The following CTSB variants were observed in gnomAD, a reference collection of about 807,000 sequenced individuals.
The protein encoded by CTSB is cathepsin B, also known as APP secretase.
A neutral mutation model predicts 44.3 loss-of-function variants in CTSB; 57 were observed. That is an observed-to-expected ratio of 1.29 (90% confidence interval 1.04 to 1.60). The LOEUF (loss-of-function observed/expected upper bound fraction) is 1.60, where lower values mean the gene tolerates loss of function less well. Ranked by LOEUF, CTSB falls within the 40% of genes most tolerant of loss-of-function variation. CTSB has a pLI of 0.00. For missense variants in CTSB, 768 were observed against 443.0 expected (o/e 1.73, Z -6.59); for synonymous variants, 320 against 168.0 (o/e 1.91, Z -7.00).
Position 11,843,825 on chromosome 8 carries a change from G to A in CTSB, c.*1300C>T, listed in dbSNP as rs1467518670. The A allele has an allele frequency of 6.6e-6, 1 of 152,264 alleles. No homozygotes were observed. Among genetic ancestry groups the A allele is most frequent in the Non-Finnish European group, 1.5e-5 (1 of 68,060 alleles). 9.4% of individuals were successfully genotyped at this position (152,264 alleles called of 1,614,324 possible). ...GCAGGCAGACCACCTGAGGCCGGGA[G>A]TTTGAAACTAGCCTGGCCAACATGG... On this transcript the variant is annotated 3_prime_UTR_variant, in exon 10 of 10. Transcript: ENST00000353047.
Position 11,844,868 on chromosome 8 carries a change from A to T in CTSB, c.*257T>A, listed in dbSNP as rs1015941863. ...GGGGGCCACAGTCAGCTGGGGCAGC[A>T]GGTACTCCCTACGGCACTAGTCTAC... On this transcript the variant is annotated 3_prime_UTR_variant, in exon 10 of 10. Coordinates refer to ENST00000353047, the MANE Select transcript of CTSB (RefSeq NM_001908.5). The T allele has an allele frequency of 1.1e-5, 5 of 458,962 alleles. No homozygotes were observed. Among genetic ancestry groups the T allele is most frequent in the Non-Finnish European group, 2.0e-5 (5 of 254,644 alleles). The allele number at this position is 458,962 out of a possible 1,614,324, so 28.4% of individuals were successfully genotyped here. A position where few individuals can be genotyped will look rare whatever the true frequency, so the allele number is the denominator to read the frequency against.
At chr8:11,852,201 T>C (rs1220104872) in intron 3 of CTSB, among the ~76,000 whole-genome samples, 1 of 151,990 alleles carries the variant, frequency 6.6e-6, no homozygotes, top group Non-Finnish European at 1.5e-5. Flanking sequence ...CGAAACCCAG[T>C]CTCTACTAAA....
chr8:11,864,950 G>T (rs961429010), intron 1 of CTSB, among the ~76,000 whole-genome samples: 1 of 151,994 alleles, frequency 6.6e-6, no homozygotes, highest in Admixed American at 6.6e-5. Context: ...AACACAGAGT[G>T]GAATTTGATC....
intron 1 of CTSB, among the ~76,000 whole-genome samples, chr8:11,864,968 C>T (rs1816918698): frequency 6.6e-6 from 1 of 152,018 alleles, no homozygotes; most frequent in Non-Finnish European, 1.5e-5. Context: ...ATCCCTAAAC[C>T]TCCTACCCCA....
At chr8:11,847,264 G>A (rs1211802745) in intron 7 of CTSB, 96 bp from the exon 8 acceptor site, 16 of 796,714 alleles carry the variant, frequency 2.0e-5, no homozygotes, top group Admixed American at 5.5e-5. Context: ...TGGCCTCCAG[G>A]GGAAGACTGC....
rs558242522 is a variant in CTSB, at chr8:11,853,467, A to C, written c.-13T>G. 6.2e-7 allele frequency: 1 copy of C among 1,610,134 alleles called. No homozygotes were observed. The highest frequency in any genetic ancestry group is 8.5e-7 in the Non-Finnish European group (1 of 1,179,034). ...AGAGCTGCCACATGTTGGAAGCCGG[A>C]TCCTAGATCCACCTGGAGAGGACAG... On this transcript the variant is annotated 5_prime_UTR_variant, in exon 2 of 10. Coordinates refer to ENST00000353047, the MANE Select transcript of CTSB (RefSeq NM_001908.5).
chr8:11,857,157 G>A (rs1815646623), intron 1 of CTSB, among the ~76,000 whole-genome samples: 1 of 152,136 alleles, frequency 6.6e-6, no homozygotes, highest in African/African-American at 2.4e-5. Context: ...CTGAGTAGCT[G>A]GGATTACAGG....
chr8:11,858,887 T>G (rs1055699109), intron 1 of CTSB, among the ~76,000 whole-genome samples: 1 of 152,194 alleles, frequency 6.6e-6, no homozygotes, highest in Non-Finnish European at 1.5e-5. Flanking sequence ...AGGCACCCAC[T>G]TCCCTTTTAT....
In CTSB at chr8:11,843,341, C is replaced by A. The variant is rs1812608089; in HGVS notation, c.*1784G>T. 6.6e-6 allele frequency: 1 copy of A among 152,302 alleles called. No individual in the cohort carries two copies. Among genetic ancestry groups the A allele is most frequent in the South Asian group, 2.1e-4 (1 of 4,824 alleles). The allele number at this position is 152,302 out of a possible 1,614,324, so 9.4% of individuals were successfully genotyped here. A position where few individuals can be genotyped will look rare whatever the true frequency, so the allele number is the denominator to read the frequency against. On this transcript the variant is annotated 3_prime_UTR_variant, in exon 10 of 10. Transcript: ENST00000353047. The stretch of plus-strand genomic sequence containing the variant: ...GCTTATTTGATCTAGCATCTGGTTC[C>A]TAAATTCTGAGTCACATCAGAAGCC...
At chr8:11,866,423 G>A (rs115091073) in intron 1 of CTSB, among the ~76,000 whole-genome samples, 2,146 of 152,338 alleles carry the variant, frequency 0.014, 60 homozygotes, top group African/African-American at 0.05. Flanking sequence ...TTTCCACCAG[G>A]GGGTACCCCC....
chr8:11,852,813 C>A lies in CTSB; in HGVS notation c.127-118G>T, dbSNP rs1814837289. The A allele has an allele frequency of 3.4e-6, 3 of 894,100 alleles. No homozygotes were observed. In the South Asian group the frequency reaches 4.7e-5, roughly 14 times the overall value. The allele number at this position is 894,100 out of a possible 1,614,324, so 55.4% of individuals were successfully genotyped here. ...AGAGACCCTACCCAATTCAAGGGCC[C>A]AAGGGTTGGGGGGCACTGGGGAACA... On this transcript the variant is annotated intron_variant, in intron 2 of 9. Transcript: ENST00000353047.
chr8:11,859,285 C>T (rs541742386), intron 1 of CTSB, among the ~76,000 whole-genome samples: 1 of 152,238 alleles, frequency 6.6e-6, no homozygotes, highest in African/African-American at 2.4e-5. Context: ...AGAGCACCTT[C>T]CTCCCCCGGC....
intron 3 of CTSB, among the ~76,000 whole-genome samples, chr8:11,851,300 G>A (rs936187566): frequency 1.1e-4 from 16 of 151,684 alleles, no homozygotes; most frequent in African/African-American, 3.9e-4. Flanking sequence ...ATCGATTCTC[G>A]TGCCTCAGCC....
intron 1 of CTSB, chr8:11,857,836 G>C (rs1268544562): frequency 6.6e-6 from 1 of 152,540 alleles, no homozygotes; most frequent in African/African-American, 2.4e-5. Flanking sequence ...CTGAGCGCTG[G>C]GAAGTTCTTT....
intron 1 of CTSB, among the ~76,000 whole-genome samples, chr8:11,860,243 A>G (rs994626372): frequency 1.6e-4 from 24 of 152,224 alleles, no homozygotes; most frequent in African/African-American, 5.5e-4. Flanking sequence ...AAGAATTCTT[A>G]GCAAAGCTGT....
At chr8:11,866,878 A>C (rs969828072) in intron 1 of CTSB, among the ~76,000 whole-genome samples, 4 of 152,196 alleles carry the variant, frequency 2.6e-5, no homozygotes, top group African/African-American at 9.7e-5. Flanking sequence ...TCTTCGCCTT[A>C]CGTTCCTGAA....
intron 1 of CTSB, among the ~76,000 whole-genome samples, chr8:11,859,940 G>T (rs1470619507): frequency 6.6e-6 from 1 of 151,516 alleles, no homozygotes; most frequent in South Asian, 2.1e-4. Flanking sequence ...GGGCATGGTG[G>T]TGCTGCCTGT....
chr8:11,866,442 G>A (rs1000700663), intron 1 of CTSB, among the ~76,000 whole-genome samples: 2 of 152,386 alleles, frequency 1.3e-5, no homozygotes, highest in Admixed American at 6.5e-5. Context: ...CCAGCTAGAG[G>A]ACAAATGACC....
At chr8:11,847,650 G>C (rs1312928359) in intron 7 of CTSB, 29 bp downstream of exon 7, 1 of 1,505,236 alleles carries the variant, frequency 6.6e-7, no homozygotes, top group Non-Finnish European at 8.8e-7. Flanking sequence ...GCCTCCACGT[G>C]CGCCGTGGCC....
Sources: gnomAD v4.1 joint callset for allele counts (sites outside exome capture counted in the v4.1 genomes callset) on GRCh38, gnomAD v4.1.1 for gene constraint, MANE v1.5 for transcripts, NCBI Gene and HGNC (gene_info 2026-07-23, HGNC 2026-07-21) for gene names.